The following SPMIP2 variants were observed in gnomAD, a reference collection of about 807,000 sequenced individuals.
The protein encoded by SPMIP2 is protein SPMIP2.
the SPMIP2 span, among the ~76,000 whole-genome samples, chr4:158,926,790 G>A: frequency 6.6e-6 from 1 of 152,270 alleles, no homozygotes; most frequent in Non-Finnish European, 1.5e-5. Context: ...ACTTATAGGT[G>A]AGAGCTAAAC....
the SPMIP2 span, among the ~76,000 whole-genome samples, chr4:158,924,391 TTTTTTGA>T: frequency 6.6e-6 from 1 of 152,198 alleles, no homozygotes; most frequent in Admixed American, 6.5e-5. Context: ...TTGTTTTTTG[TTTTTTGA>T]GACAAAGTTT....
chr4:159,006,139 A>G, the SPMIP2 span, among the ~76,000 whole-genome samples: 1 of 152,240 alleles, frequency 6.6e-6, no homozygotes, highest in African/African-American at 2.4e-5. Flanking sequence ...TCCGTTGAAC[A>G]GTGTTGGTCT....
chr4:159,080,682 A>T, the SPMIP2 span, among the ~76,000 whole-genome samples: 2 of 152,058 alleles, frequency 1.3e-5, no homozygotes, highest in Admixed American at 6.6e-5. Context: ...ACCTCTTTTT[A>T]AAAAACAACA....
chr4:158,895,781 A>T, the SPMIP2 span: 4 of 1,612,858 alleles, frequency 2.5e-6, no homozygotes, highest in Non-Finnish European at 3.4e-6. Flanking sequence ...AGACTACAGG[A>T]GATGTACCTT....
At chr4:159,032,817 A>G in the SPMIP2 span, among the ~76,000 whole-genome samples, 1 of 151,372 alleles carries the variant, frequency 6.6e-6, no homozygotes, top group Non-Finnish European at 1.5e-5. Context: ...TCAAAAACAG[A>G]CAATACCAAA....
the SPMIP2 span, among the ~76,000 whole-genome samples, chr4:158,914,952 ACCTC>A: frequency 6.6e-6 from 1 of 152,178 alleles, no homozygotes. Context: ...TGAGGACACA[ACCTC>A]TTGTTTTCTT....
At chr4:158,955,833 G>A in the SPMIP2 span, among the ~76,000 whole-genome samples, 557 of 152,334 alleles carry the variant, frequency 3.7e-3, 4 homozygotes, top group African/African-American at 0.012. Flanking sequence ...ATATTAAAAT[G>A]TAAAAAATAT....
At chr4:159,004,985 C>A in the SPMIP2 span, among the ~76,000 whole-genome samples, 1 of 152,046 alleles carries the variant, frequency 6.6e-6, no homozygotes, top group Admixed American at 6.5e-5. Flanking sequence ...GTAATCCCAG[C>A]ACTTTGGGAG....
At chr4:158,979,357 G>A in the SPMIP2 span, among the ~76,000 whole-genome samples, 1 of 152,164 alleles carries the variant, frequency 6.6e-6, no homozygotes, top group Non-Finnish European at 1.5e-5. Context: ...CTCCAGGGGA[G>A]TGAATGGTTC....
chr4:158,932,280 AC>A, the SPMIP2 span, among the ~76,000 whole-genome samples: 2 of 152,220 alleles, frequency 1.3e-5, no homozygotes, highest in Non-Finnish European at 2.9e-5. Flanking sequence ...AGCCTGACCA[AC>A]ATGGCAAAAC....
At chr4:158,941,087 T>G in the SPMIP2 span, among the ~76,000 whole-genome samples, 1 of 152,316 alleles carries the variant, frequency 6.6e-6, no homozygotes, top group African/African-American at 2.4e-5. Context: ...TTGATCTCTA[T>G]GTCTAGGCCT....
the SPMIP2 span, among the ~76,000 whole-genome samples, chr4:159,033,257 A>G: frequency 1.3e-5 from 2 of 151,840 alleles, no homozygotes; most frequent in Non-Finnish European, 2.9e-5. Context: ...AAAACTGTGG[A>G]GACAGTGAAA....
At chr4:158,904,750 G>A in the SPMIP2 span, 4 of 551,102 alleles carry the variant, frequency 7.3e-6, no homozygotes, top group African/African-American at 1.9e-5. Context: ...TGTGATTGTC[G>A]TGAACACTTT....
chr4:158,946,379 A>G, the SPMIP2 span, among the ~76,000 whole-genome samples: 19 of 148,086 alleles, frequency 1.3e-4, no homozygotes, highest in African/African-American at 4.0e-4. Context: ...GTCCCCACCC[A>G]AATCGAATCC....
the SPMIP2 span, among the ~76,000 whole-genome samples, chr4:158,930,818 T>A: frequency 1.3e-5 from 2 of 152,166 alleles, no homozygotes; most frequent in African/African-American, 4.8e-5. Context: ...TTACTAAGGA[T>A]CTGTTGTATA....
the SPMIP2 span, among the ~76,000 whole-genome samples, chr4:158,935,769 A>G: frequency 6.6e-6 from 1 of 152,218 alleles, no homozygotes. Flanking sequence ...TTCAGCCTTC[A>G]GTGAGGAAAG....
chr4:158,966,092 A>G, the SPMIP2 span, among the ~76,000 whole-genome samples: 1 of 152,306 alleles, frequency 6.6e-6, no homozygotes, highest in Admixed American at 6.5e-5. Flanking sequence ...CCTATAGCAT[A>G]TATTTTCAGT....
chr4:159,040,160 G>A, the SPMIP2 span, among the ~76,000 whole-genome samples: 1,394 of 139,036 alleles, frequency 0.01, 25 homozygotes, highest in African/African-American at 0.034. Context: ...GTGTGTGTGT[G>A]TGTATATATG....
chr4:159,079,187 C>T, the SPMIP2 span, among the ~76,000 whole-genome samples: 1 of 151,978 alleles, frequency 6.6e-6, no homozygotes, highest in East Asian at 1.9e-4. Context: ...GTGTTTGTGT[C>T]CCTCCCAAAA....
Sources: gnomAD v4.1 joint callset for allele counts (sites outside exome capture counted in the v4.1 genomes callset) on GRCh38, gnomAD v4.1.1 for gene constraint, MANE v1.5 for transcripts, NCBI Gene and HGNC (gene_info 2026-07-23, HGNC 2026-07-21) for gene names.